Variants in HAO1 observed in about 807,000 individuals in gnomAD.
The protein encoded by HAO1 is 2-Hydroxyacid oxidase 1.
Under a neutral mutation model 39.7 loss-of-function variants are expected in HAO1, and 34 were observed. The ratio of observed to expected loss-of-function variants is 0.86; its 90% CI spans 0.65 to 1.14. The LOEUF (loss-of-function observed/expected upper bound fraction) is 1.14, where lower values mean the gene tolerates loss of function less well. Among genes scored for constraint, HAO1 ranks in the 50% most tolerant of loss-of-function variants. HAO1 has a pLI of 0.00. For synonymous variants in HAO1, 172 were observed against 173.2 expected, an observed-to-expected ratio of 0.99 and a Z score of 0.05; for missense variants, 479 against 464.5, an observed-to-expected ratio of 1.03 and a Z score of -0.29.
In HAO1 at chr20:7,895,218, T is replaced by G; in HGVS notation, c.728A>C (p.Asp243Ala). 2 of 1,606,150 alleles carry G rather than the reference T, an allele frequency of 1.2e-6. No homozygotes were observed. Among genetic ancestry groups the G allele is most frequent in the Non-Finnish European group, 1.7e-6 (2 of 1,172,840 alleles). Residue 243 changes from aspartate to alanine, a missense_variant, in exon 5 of 8, where the codon GAT (aspartate) becomes GCT (alanine). By Grantham distance (126) the Asp-to-Ala change is moderately radical. Coordinates refer to ENST00000378789, the MANE Select transcript of HAO1 (RefSeq NM_017545.3). ...GCCATGTTTAACAGCCTCCCTGGCA[T>G]CATCACCTGGAGAGAGTAAAACAAG... ...IVAKGILRGD[D>A]AREAVKHGLN...
intron 4 of HAO1, among the ~76,000 whole-genome samples, chr20:7,901,565 C>G (rs767027143): frequency 1.3e-5 from 2 of 152,176 alleles, no homozygotes; most frequent in African/African-American, 4.8e-5. Context: ...TATCACTGCT[C>G]ATTGACAGTG....
Position 7,895,115 on chromosome 20 carries a change from G to A in HAO1, c.813+18C>T. The A allele has an allele frequency of 6.6e-7, 1 of 1,504,568 alleles. No individual in the cohort carries two copies. The highest frequency in any genetic ancestry group is 1.1e-5 in the South Asian group (1 of 88,814). The allele number at this position is 1,504,568 out of a possible 1,614,324, so 93.2% of individuals were successfully genotyped here. On this transcript the variant is annotated intron_variant, in intron 5 of 7. Coordinates refer to ENST00000378789, the MANE Select transcript of HAO1 (RefSeq NM_017545.3). The stretch of plus-strand genomic sequence containing the variant: ...ATGGGAACTCCAAAAGGAAATCTTA[G>A]CGTCTGCCAAAACTCACAGTGGCTG...
rs778551661 is a variant in HAO1 at position 7,914,195 on chromosome 20, G to A, written c.514C>T (p.Arg172Cys). ...PYLGNRLDDV[R>C]NRFKLPPQLR... ...TGTGGCGGCAGTTTGAATCTGTTACGCACATCATCCAGACGGTTGCCCAGG... is the reference window on the plus strand; with the variant it reads ...TGTGGCGGCAGTTTGAATCTGTTACACACATCATCCAGACGGTTGCCCAGG... Residue 172 changes from arginine (R) to cysteine (C), a missense_variant, in exon 3 of 8, where the codon CGT (arginine) becomes TGT (cysteine). Physicochemically the swap from Arg to Cys is radical, Grantham distance 180 (BLOSUM62 -3). Transcript: ENST00000378789. The A allele has an allele frequency of 8.7e-6, 14 of 1,613,866 alleles. No homozygotes were observed. The highest frequency in any genetic ancestry group is 1.3e-5 in the African/African-American group (1 of 74,900).
intron 3 of HAO1, among the ~76,000 whole-genome samples, chr20:7,913,170 G>GTT (rs11438122): frequency 0.019 from 2,540 of 134,252 alleles, 77 homozygotes; most frequent in African/African-American, 0.061. Flanking sequence ...CTAGTTTTTT[G>GTT]TTTTTTTTTT....
At chr20:7,932,553 A>G (rs2050390569) in intron 2 of HAO1, among the ~76,000 whole-genome samples, 1 of 152,228 alleles carries the variant, frequency 6.6e-6, no homozygotes, top group Non-Finnish European at 1.5e-5. Flanking sequence ...ATCACTTATA[A>G]ATAAACATTT....
chr20:7,919,045 C>A (rs2050319539), intron 2 of HAO1, among the ~76,000 whole-genome samples: 1 of 152,188 alleles, frequency 6.6e-6, no homozygotes, highest in Non-Finnish European at 1.5e-5. Flanking sequence ...ATATGTGTTG[C>A]AGTTTTAAGA....
rs1462049226 is a variant in HAO1, at chr20:7,927,458, A to G, written c.289+7026T>C. Among the ~76,000 whole-genome samples the G allele has an allele frequency of 2.6e-5, 4 of 152,306 alleles. No individual in the cohort carries two copies. In the East Asian group the frequency reaches 7.7e-4, roughly 29 times the overall value. ...AGTAGAGGCACTTATAAAACAGCTT[A>G]AATATTATAAGATTTACAACTATTA... On this transcript the variant is annotated intron_variant, in intron 2 of 7. Transcript: ENST00000378789.
intron 4 of HAO1, among the ~76,000 whole-genome samples, chr20:7,903,994 A>T (rs1016756266): frequency 6.6e-6 from 1 of 152,112 alleles, no homozygotes; most frequent in African/African-American, 2.4e-5. Flanking sequence ...AATTCAATTG[A>T]TTTGCACATA....
intron 2 of HAO1, among the ~76,000 whole-genome samples, chr20:7,931,558 G>A (rs544496671): frequency 3.3e-5 from 5 of 152,014 alleles, no homozygotes; most frequent in Admixed American, 1.3e-4. Context: ...TATTTGGGCC[G>A]CTCTGAGCCT....
At chr20:7,898,889 G>A (rs1012219100) in intron 4 of HAO1, among the ~76,000 whole-genome samples, 4 of 151,354 alleles carry the variant, frequency 2.6e-5, no homozygotes, top group East Asian at 3.9e-4. Context: ...TTCTGAATTG[G>A]TGTGGTTTGC....
chr20:7,914,097 C>G, intron 3 of HAO1, 67 bp downstream of exon 3: 1 of 1,572,688 alleles, frequency 6.4e-7, no homozygotes, highest in Non-Finnish European at 8.7e-7. Context: ...TCAGTAGAAC[C>G]CAGACCCTAA....
intron 3 of HAO1, among the ~76,000 whole-genome samples, chr20:7,909,069 G>T (rs1177899042): frequency 3.9e-5 from 6 of 152,022 alleles, no homozygotes; most frequent in African/African-American, 1.5e-4. Flanking sequence ...CAGTGTTTCA[G>T]CAGGGGTGGG....
chr20:7,910,013 G>A (rs1475946920), intron 3 of HAO1, among the ~76,000 whole-genome samples: 4 of 152,078 alleles, frequency 2.6e-5, no homozygotes, highest in Admixed American at 2.0e-4. Flanking sequence ...TTCAAATCCC[G>A]GTTCAGCCTC....
Position 7,940,450 on chromosome 20 carries a change from G to T in HAO1, c.-28C>A. The T allele has an allele frequency of 6.4e-7, 1 of 1,572,600 alleles. No homozygotes were observed. The highest frequency in any genetic ancestry group is 1.2e-5 in the South Asian group (1 of 83,696). On this transcript the variant is annotated 5_prime_UTR_variant, in exon 1 of 8. Transcript: ENST00000378789. ...TCACAGGTTATTGCTATCCCAGATG[G>T]AGTTCGTTGTTTTTTTTTTTTTAAT...
intron 3 of HAO1, among the ~76,000 whole-genome samples, chr20:7,907,119 T>C (rs1049009927): frequency 6.6e-6 from 1 of 152,132 alleles, no homozygotes; most frequent in African/African-American, 2.4e-5. Context: ...GGGAACTGTT[T>C]CCCAGCAGAT....
At chr20:7,906,404 A>G (rs943384982) in intron 3 of HAO1, 75 bp from the exon 4 acceptor site, 6 of 825,364 alleles carry the variant, frequency 7.3e-6, no homozygotes, top group Non-Finnish European at 1.0e-5. Flanking sequence ...TCAATGAAAA[A>G]TGTTACCCTT....
intron 2 of HAO1, among the ~76,000 whole-genome samples, chr20:7,933,117 T>C (rs2050393053): frequency 2.0e-5 from 3 of 152,344 alleles, no homozygotes; most frequent in Admixed American, 2.0e-4. Flanking sequence ...GTCACTTTTA[T>C]GTCTCCATTT....
intron 1 of HAO1, among the ~76,000 whole-genome samples, chr20:7,936,690 C>T (rs1459363150): frequency 6.6e-6 from 1 of 151,962 alleles, no homozygotes; most frequent in Non-Finnish European, 1.5e-5. Flanking sequence ...TTAGTAACTG[C>T]GGGCTCTTAA....
At chr20:7,911,044 G>A (rs1449211856) in intron 3 of HAO1, among the ~76,000 whole-genome samples, 1 of 152,212 alleles carries the variant, frequency 6.6e-6, no homozygotes, top group Non-Finnish European at 1.5e-5. Flanking sequence ...TACAGACAGA[G>A]GGAACAGCCA....
Sources: gnomAD v4.1 joint callset for allele counts (sites outside exome capture counted in the v4.1 genomes callset) on GRCh38, gnomAD v4.1.1 for gene constraint, MANE v1.5 for transcripts, NCBI Gene and HGNC (gene_info 2026-07-23, HGNC 2026-07-21) for gene names.